Variants in SESN1 observed in about 807,000 individuals in gnomAD.
SESN1 encodes the protein sestrin-1.
Under a neutral mutation model 59.3 loss-of-function variants are expected in SESN1, and 30 were observed. The ratio of observed to expected loss-of-function variants is 0.51; its 90% CI spans 0.38 to 0.69. SESN1 has a LOEUF of 0.69. SESN1 is among the 30% of genes least tolerant of loss of function. The probability of loss-of-function intolerance (pLI) is 0.00; values close to 1 mark genes in which losing one functional copy is unlikely to be tolerated. For synonymous variants in SESN1, 197 were observed against 219.9 expected (o/e 0.90, Z 0.92); for missense variants, 566 against 673.0 (o/e 0.84, Z 1.76).
intron 1 of SESN1, among the ~76,000 whole-genome samples, chr6:109,090,833 A>AG (rs1453510874): frequency 3.3e-5 from 5 of 152,182 alleles, no homozygotes; most frequent in Admixed American, 3.3e-4. Flanking sequence ...ACAATGAGAC[A>AG]ATCACAGCTC....
intron 1 of SESN1, among the ~76,000 whole-genome samples, chr6:109,061,972 A>T (rs1277395140): frequency 6.6e-6 from 1 of 152,222 alleles, no homozygotes; most frequent in Non-Finnish European, 1.5e-5. Context: ...ACGTGATAAA[A>T]GATGGTGCTC....
intron 1 of SESN1, among the ~76,000 whole-genome samples, chr6:109,012,736 GT>G (rs1779880332): frequency 6.6e-6 from 1 of 152,144 alleles, no homozygotes. Flanking sequence ...AAAGGAAAGA[GT>G]GATCCATTAG....
At position 109,094,252 on chromosome 6, in the gene SESN1, C is replaced by T; in HGVS notation, c.-179G>A. 1.6e-6 allele frequency: 1 copy of T among 621,998 alleles called. No homozygotes were observed. The highest frequency in any genetic ancestry group is 2.8e-6 in the Non-Finnish European group (1 of 360,484). 38.5% of individuals were successfully genotyped at this position (621,998 alleles called of 1,614,324 possible). A position where few individuals can be genotyped will look rare whatever the true frequency, so the allele number is the denominator to read the frequency against. On this transcript the variant is annotated 5_prime_UTR_variant, in exon 1 of 10. Coordinates refer to ENST00000436639, the MANE Select transcript of SESN1 (RefSeq NM_014454.3). ...CCTTCAGCCGATCTACAAGCTAGGTCACCCTCTCACCCTCTCCTTGTACAC... is the reference window on the plus strand; with the variant it reads ...CCTTCAGCCGATCTACAAGCTAGGTTACCCTCTCACCCTCTCCTTGTACAC...
intron 9 of SESN1, chr6:108,988,218 A>T (rs1462250921): frequency 5.3e-6 from 1 of 189,218 alleles, no homozygotes; most frequent in African/African-American, 2.3e-5. Flanking sequence ...CCAAATCATT[A>T]TTCAGTAATT....
intron 5 of SESN1, 24 bp downstream of exon 5, chr6:108,998,489 A>G (rs778376487): frequency 3.1e-6 from 5 of 1,611,856 alleles, no homozygotes; most frequent in Non-Finnish European, 4.2e-6. Flanking sequence ...GTTTTATGAC[A>G]ATCTCATGAC....
intron 1 of SESN1, among the ~76,000 whole-genome samples, chr6:109,046,512 G>A (rs1377260282): frequency 6.8e-6 from 1 of 147,478 alleles, no homozygotes; most frequent in Non-Finnish European, 1.5e-5. Flanking sequence ...CACCCCGTCT[G>A]GGAAGTGAGG....
intron 1 of SESN1, among the ~76,000 whole-genome samples, chr6:109,023,093 T>C (rs1184642081): frequency 2.0e-5 from 3 of 152,176 alleles, no homozygotes; most frequent in African/African-American, 7.2e-5. Flanking sequence ...CTCCAGCAAA[T>C]CTGAACTGGT....
intron 1 of SESN1, among the ~76,000 whole-genome samples, chr6:109,080,159 G>A (rs1394961545): frequency 2.0e-5 from 3 of 152,104 alleles, no homozygotes; most frequent in Admixed American, 6.6e-5. Flanking sequence ...CTTGTGGGGC[G>A]GGGAAGGGGA....
At chr6:108,988,505 C>T (rs1779263410) in intron 9 of SESN1, 38 bp downstream of exon 9, 1 of 1,559,966 alleles carries the variant, frequency 6.4e-7, no homozygotes. Context: ...CGAATCATTG[C>T]TAAGTTACAA....
rs560910598 is a variant in SESN1 at position 109,045,522 on chromosome 6, A to G, written c.280-43179T>C. The stretch of plus-strand genomic sequence containing the variant: ...ATGATACTGAGTTCAACTTACTTAC[A>G]GTTCTTCAAACACAGTAAATCTCAT... On this transcript the variant is annotated intron_variant, in intron 1 of 9. Transcript: ENST00000436639. 1.2e-4 allele frequency among the ~76,000 whole-genome samples: 19 copies of G among 152,376 alleles called. No individual in the cohort carries two copies. The South Asian group carries it at 3.5e-3, about 28-fold the overall frequency.
chr6:109,089,906 T>C (rs1289733949), intron 1 of SESN1, among the ~76,000 whole-genome samples: 2 of 152,192 alleles, frequency 1.3e-5, no homozygotes, highest in African/African-American at 4.8e-5. Flanking sequence ...CACATCCACT[T>C]TTGACCATGG....
intron 1 of SESN1, chr6:109,009,340 C>T (rs1779807985): frequency 6.8e-7 from 1 of 1,467,502 alleles, no homozygotes; most frequent in African/African-American, 1.5e-5. Flanking sequence ...GCGGCCCGCT[C>T]AGCCCCTCGC....
chr6:109,091,257 C>T (rs774639360), intron 1 of SESN1, among the ~76,000 whole-genome samples: 6 of 152,100 alleles, frequency 3.9e-5, no homozygotes, highest in Non-Finnish European at 5.9e-5. Context: ...ACACGCTGTA[C>T]GGGTTTGTAG....
At chr6:109,011,201 A>G (rs1261358381) in intron 1 of SESN1, among the ~76,000 whole-genome samples, 2 of 152,252 alleles carry the variant, frequency 1.3e-5, no homozygotes, top group Non-Finnish European at 2.9e-5. Flanking sequence ...GTGGCTTAAA[A>G]TAAGTAAATG....
chr6:109,003,214 A>T lies in SESN1; in HGVS notation c.280-871T>A, dbSNP rs577986904. 3.3e-4 allele frequency among the ~76,000 whole-genome samples: 50 copies of T among 151,634 alleles called. No homozygotes were observed. The South Asian group carries it at 3.7e-3, about 11-fold the overall frequency. ...ATGTCCTATCTAGTGTCATTTAAAA[A>T]TTTTTTTTAGAATTTATACAATTAA... On this transcript the variant is annotated intron_variant, in intron 1 of 9. Coordinates refer to ENST00000436639, the MANE Select transcript of SESN1 (RefSeq NM_014454.3).
chr6:109,060,290 G>A (rs1039103048), intron 1 of SESN1, among the ~76,000 whole-genome samples: 1 of 152,124 alleles, frequency 6.6e-6, no homozygotes, highest in African/African-American at 2.4e-5. Context: ...TTTAAGAAAT[G>A]TAATAGCTTT....
intron 1 of SESN1, among the ~76,000 whole-genome samples, chr6:109,024,385 T>C (rs908660218): frequency 2.0e-5 from 3 of 152,034 alleles, no homozygotes; most frequent in African/African-American, 7.2e-5. Context: ...AAAGCAGAAA[T>C]AAGAACTTGG....
At chr6:109,064,003 G>GA (rs1246456591) in intron 1 of SESN1, among the ~76,000 whole-genome samples, 1 of 151,704 alleles carries the variant, frequency 6.6e-6, no homozygotes, top group Admixed American at 6.6e-5. Flanking sequence ...GCATTAAATA[G>GA]AAAAAATAAA....
chr6:109,006,833 G>A (rs1779742791), intron 1 of SESN1, among the ~76,000 whole-genome samples: 1 of 152,156 alleles, frequency 6.6e-6, no homozygotes, highest in African/African-American at 2.4e-5. Context: ...GTGATCATAA[G>A]CCAAACTAAA....
Sources: allele counts gnomAD v4.1 joint callset (sites outside exome capture counted in the v4.1 genomes callset), GRCh38; gene constraint gnomAD v4.1.1; transcripts MANE v1.5; gene names NCBI Gene and HGNC (gene_info 2026-07-23, HGNC 2026-07-21).